The following BRWD1 variants were observed in gnomAD, a reference collection of about 807,000 sequenced individuals.
BRWD1 encodes bromodomain and WD repeat-containing protein 1.
In BRWD1, 82 loss-of-function variants were observed where a neutral mutation model predicts 251.2. That is an observed-to-expected ratio of 0.33 (90% CI 0.27 to 0.39). The LOEUF (loss-of-function observed/expected upper bound fraction) is 0.39. Ranked by LOEUF, BRWD1 falls within the 10% of genes least tolerant of loss-of-function variation. The probability of loss-of-function intolerance (pLI) is 1.00; values close to 1 mark genes in which losing one functional copy is unlikely to be tolerated. For missense variants in BRWD1, 2,233 were observed against 2,711.6 expected (o/e 0.82, Z 3.92); for synonymous variants, 918 against 902.8 (o/e 1.02, Z -0.30).
chr21:39,310,603 C>A (rs1442883577), intron 4 of BRWD1, among the ~76,000 whole-genome samples: 3 of 149,578 alleles, frequency 2.0e-5, no homozygotes, highest in Admixed American at 6.6e-5. Flanking sequence ...CAGACTGTCT[C>A]AAAAAAAAAA....
At chr21:39,233,324 C>T (rs2033690074) in intron 23 of BRWD1, among the ~76,000 whole-genome samples, 1 of 152,166 alleles carries the variant, frequency 6.6e-6, no homozygotes, top group Non-Finnish European at 1.5e-5. Context: ...TCAACCAATA[C>T]ATGAAATATG....
At position 39,269,941 on chromosome 21, in the gene BRWD1, C is replaced by T; in HGVS notation, c.1488G>A (p.Trp496Ter). 1 of 1,569,700 alleles carries T rather than the reference C, an allele frequency of 6.4e-7. No individual in the cohort carries two copies. Residue 496 changes from tryptophan to a stop codon, truncating the protein, a stop_gained, in exon 15 of 41, where the codon TGG (tryptophan) becomes TGA (stop). Coordinates refer to ENST00000342449, the MANE Select transcript of BRWD1 (RefSeq NM_033656.4). LOFTEE classifies it high-confidence loss of function. ...SAGHDGSIFI[W>*]DITKGTKMKH... ...TCATCTTGGTACCTTTTGTAATATC[C>T]CATATAAATATGCTGCCATCATGTC...
intron 4 of BRWD1, among the ~76,000 whole-genome samples, chr21:39,300,702 T>C (rs1601493897): frequency 1.3e-5 from 2 of 152,146 alleles, no homozygotes; most frequent in Non-Finnish European, 2.9e-5. Context: ...AATGATGAGA[T>C]ACACAACAAA....
rs1299972132 is a variant in BRWD1 at position 39,313,351 on chromosome 21, C to CGGGGCCAGGGGAGCCGGG, written c.50-70_50-53dup. ...AGCCCCGGCGGGGAGGGGAGGGGGACGGGGCCAGGGGAGCCGGGGGAGCCC... is the reference window on the plus strand; with the variant it reads ...AGCCCCGGCGGGGAGGGGAGGGGGACGGGGCCAGGGGAGCCGGGGGGGCCAGGGGAGCCGGGGGAGCCC... On this transcript the variant is annotated intron_variant, in intron 1 of 40. Transcript: ENST00000342449. The CGGGGCCAGGGGAGCCGGG allele has an allele frequency of 4.8e-6, 7 of 1,446,404 alleles. No individual in the cohort carries two copies. The East Asian group carries it at 2.0e-4, about 42-fold the overall frequency. 89.6% of individuals were successfully genotyped at this position (1,446,404 alleles called of 1,614,324 possible). A position where few individuals can be genotyped will look rare whatever the true frequency, so the allele number is the denominator to read the frequency against.
Position 39,193,937 on chromosome 21 carries a change from T to C in BRWD1, c.*2322A>G. The C allele has an allele frequency of 1.0e-6, 1 of 985,524 alleles. No individual in the cohort carries two copies. The highest frequency in any genetic ancestry group is 1.2e-6 in the Non-Finnish European group (1 of 829,682). 61.0% of individuals were successfully genotyped at this position (985,524 alleles called of 1,614,324 possible). On this transcript the variant is annotated 3_prime_UTR_variant, in exon 41 of 41. Transcript: ENST00000342449. ...ATAGCACCATAACCAAAAAAACCCA[T>C]AAAAATTATTTTCTCCATTATCTCT... is the stretch of plus-strand genomic sequence containing the variant.
In BRWD1 at chr21:39,225,545, TAA is replaced by T. The variant is rs143359192; in HGVS notation, c.3209-350_3209-349del. ...TTACAAAACAAAACCAATGAAACAA[TAA>T]AAGTCACCTATCCAGCACTGATGAT... On this transcript the variant is annotated intron_variant, in intron 27 of 40. Transcript: ENST00000342449. 6.6e-5 allele frequency among the ~76,000 whole-genome samples: 10 copies of T among 152,166 alleles called. No homozygotes were observed. In the East Asian group the frequency reaches 1.7e-3, roughly 26 times the overall value.
At position 39,185,918 on chromosome 21, in the gene BRWD1, T is replaced by G. The variant is rs1489101693; in HGVS notation, c.*10341A>C. The G allele has an allele frequency of 6.6e-6, 1 of 152,202 alleles. No homozygotes were observed. The highest frequency in any genetic ancestry group is 1.9e-4 in the East Asian group (1 of 5,202). 9.4% of individuals were successfully genotyped at this position (152,202 alleles called of 1,614,324 possible). ...TTCATTTAATCTGGCAATTTTAATT[T>G]CAACAAATACATATTAACAACAAAT... On this transcript the variant is annotated 3_prime_UTR_variant, in exon 41 of 41. Coordinates refer to ENST00000342449, the MANE Select transcript of BRWD1 (RefSeq NM_033656.4).
intron 37 of BRWD1, among the ~76,000 whole-genome samples, 185 bp downstream of exon 37, chr21:39,205,923 T>C (rs1344053834): frequency 6.6e-6 from 1 of 151,780 alleles, no homozygotes; most frequent in African/African-American, 2.4e-5. Context: ...CTTCTAAACA[T>C]ACAAAAATTA....
Position 39,293,992 on chromosome 21 carries a change from T to C in BRWD1, c.650A>G (p.Asn217Ser). ...TCTTAATGTAGATAACAAGCGGCCA[T>C]TATGTGTTGACCAAATCTTTACCAA... ...DCLVKIWSTHNGRLLSTLRGH... is the reference protein window; with the variant it reads ...DCLVKIWSTHSGRLLSTLRGH... Residue 217 changes from asparagine (N) to serine (S), a missense_variant, in exon 8 of 41, where the codon AAT becomes AGT. Transcript: ENST00000342449. 6.2e-7 allele frequency: 1 copy of C among 1,614,202 alleles called. No homozygotes were observed. The highest frequency in any genetic ancestry group is 8.5e-7 in the Non-Finnish European group (1 of 1,180,036).
intron 27 of BRWD1, 24 bp from the exon 28 acceptor site, chr21:39,225,221 G>C: frequency 2.7e-6 from 4 of 1,481,478 alleles, no homozygotes; most frequent in Non-Finnish European, 2.8e-6. Context: ...GATCAAGTCT[G>C]AGGCATTTCT....
chr21:39,259,034 C>G (rs1449683151), intron 17 of BRWD1, among the ~76,000 whole-genome samples: 1 of 152,172 alleles, frequency 6.6e-6, no homozygotes, highest in African/African-American at 2.4e-5. Context: ...CTAACTGGAA[C>G]AGAGCAACTA....
In BRWD1 at chr21:39,272,200, C is replaced by T. The variant is rs866121948; in HGVS notation, c.1245-1767G>A. Among the ~76,000 whole-genome samples, 7 of 150,428 alleles carry T rather than the reference C, an allele frequency of 4.7e-5. No individual in the cohort carries two copies. In the South Asian group the frequency reaches 8.4e-4, roughly 18 times the overall value. On this transcript the variant is annotated intron_variant, in intron 13 of 40. Transcript: ENST00000342449. ...CTGTAATCCCAGATCTTTGGGAGGG[C>T]GACGCGGGTGGATCACGAGGTCAGG... is the stretch of plus-strand genomic sequence containing the variant.
intron 4 of BRWD1, among the ~76,000 whole-genome samples, chr21:39,304,953 G>A (rs1332526804): frequency 7.4e-6 from 1 of 134,896 alleles, no homozygotes; most frequent in African/African-American, 2.7e-5. Context: ...AGTCATATTT[G>A]GAGATTTTTT....
Position 39,270,025 on chromosome 21 carries a change from A to G in BRWD1, c.1404T>C (p.Ala468=), listed in dbSNP as rs144677835. 1,318 of 1,565,728 alleles carry G rather than the reference A, an allele frequency of 8.4e-4. 1 individual carries two copies. The highest frequency in any genetic ancestry group is 1.1e-3 in the Admixed American group (58 of 52,326). The change falls in exon 15 of 41, where the codon GCT becomes GCC. Residue 468 remains alanine, a synonymous_variant. Transcript: ENST00000342449. ...GQLLHNLMGH[A]DEVFVLETHP... ...GTGTCTCCAGAACAAATACTTCATC[A>G]GCATGTCCCTTTATTTAACAAAGTC...
chr21:39,201,927 TAAC>T (rs1352474564), intron 38 of BRWD1, among the ~76,000 whole-genome samples: 5 of 152,242 alleles, frequency 3.3e-5, no homozygotes, highest in Non-Finnish European at 5.9e-5. Flanking sequence ...TGTACAATGT[TAAC>T]AAAGTTAGCA....
At chr21:39,260,868 G>C (rs867940976) in intron 17 of BRWD1, among the ~76,000 whole-genome samples, 16 of 152,192 alleles carry the variant, frequency 1.1e-4, no homozygotes, top group African/African-American at 3.6e-4. Context: ...TCAGAGGAGA[G>C]TGAACTGCAC....
At chr21:39,203,931 T>C (rs62222990) in intron 37 of BRWD1, among the ~76,000 whole-genome samples, 91,482 of 91,482 alleles carry the variant, frequency 1, 45,741 homozygotes, top group Non-Finnish European at 1. Context: ...GCAGGTGGGT[T>C]ATTTGAGGTC....
At chr21:39,258,846 A>C in intron 17 of BRWD1, among the ~76,000 whole-genome samples, 174 bp from the exon 18 acceptor site, 1 of 152,234 alleles carries the variant, frequency 6.6e-6, no homozygotes, top group East Asian at 1.9e-4. Context: ...AAAGATTCAA[A>C]GCCAACAAAA....
chr21:39,254,670 C>T (rs1413309271), intron 19 of BRWD1, among the ~76,000 whole-genome samples: 1 of 152,146 alleles, frequency 6.6e-6, no homozygotes. Context: ...ACTTGGGTTT[C>T]TTTTTTAGAT....
Sources: gnomAD v4.1 joint callset for allele counts (sites outside exome capture counted in the v4.1 genomes callset) on GRCh38, gnomAD v4.1.1 for gene constraint, MANE v1.5 for transcripts, NCBI Gene and HGNC (gene_info 2026-07-23, HGNC 2026-07-21) for gene names.